Variants in HS6ST2 observed in about 807,000 individuals in gnomAD.
HS6ST2 encodes the protein heparan-sulfate 6-O-sulfotransferase 2.
In HS6ST2, 17 loss-of-function variants were observed where a neutral mutation model predicts 33.0. The ratio of observed to expected loss-of-function variants is 0.52; its 90% confidence interval spans 0.35 to 0.77. The LOEUF (loss-of-function observed/expected upper bound fraction) is 0.77, where lower values mean the gene tolerates loss of function less well. HS6ST2 is among the 30% of genes least tolerant of loss of function. The pLI is 0.01. For missense variants in HS6ST2, 519 were observed against 551.7 expected (o/e 0.94, Z 0.59); for synonymous variants, 248 against 237.1 (o/e 1.05, Z -0.42).
At chrX:132,818,162 C>T (rs1290277164) in intron 2 of HS6ST2, among the ~76,000 whole-genome samples, 1 of 110,289 alleles carries the variant, frequency 9.1e-6, no homozygotes, top group East Asian at 2.9e-4. Flanking sequence ...CACGTGTGCC[C>T]CAACCCCTAG....
At chrX:132,845,533 T>A in intron 2 of HS6ST2, among the ~76,000 whole-genome samples, 1 of 111,480 alleles carries the variant, frequency 9.0e-6, no homozygotes, top group Non-Finnish European at 1.9e-5. Flanking sequence ...ATAAAAGAAT[T>A]CTACTGAAAG....
intron 1 of HS6ST2, 127 bp downstream of exon 1, chrX:132,958,048 G>A: frequency 1.5e-6 from 1 of 666,085 alleles, no homozygotes; most frequent in South Asian, 3.9e-5. Flanking sequence ...GGAGACCCTA[G>A]CCGGGCCACC....
chrX:132,663,715 G>C (rs749163148), intron 4 of HS6ST2, among the ~76,000 whole-genome samples: 29 of 112,084 alleles, frequency 2.6e-4, no homozygotes, highest in Admixed American at 2.0e-3. Flanking sequence ...CCAGTGGATT[G>C]CTATCTTCAT....
intron 2 of HS6ST2, among the ~76,000 whole-genome samples, chrX:132,875,724 C>G (rs749637542): frequency 1.3e-3 from 148 of 112,304 alleles, no homozygotes; most frequent in Middle Eastern, 4.2e-3. Flanking sequence ...TGTAACACCT[C>G]TGTGGAAAAA....
intron 2 of HS6ST2, among the ~76,000 whole-genome samples, chrX:132,859,635 T>G (rs1233135942): frequency 1.5e-4 from 11 of 73,295 alleles, no homozygotes; most frequent in African/African-American, 2.3e-4. Context: ...AAGGAGAGAG[T>G]CAGAGGAAGG....
intron 2 of HS6ST2, among the ~76,000 whole-genome samples, chrX:132,814,952 T>C (rs767238757): frequency 2.9e-3 from 326 of 112,288 alleles, no homozygotes; most frequent in Non-Finnish European, 5.1e-3. Context: ...TGCCACAGCC[T>C]CCTTGAAGCC....
At chrX:132,674,687 C>A (rs1349509490) in intron 3 of HS6ST2, among the ~76,000 whole-genome samples, 1 of 112,337 alleles carries the variant, frequency 8.9e-6, no homozygotes, top group East Asian at 2.8e-4. Context: ...ATTATTTTCT[C>A]ATTTAAGCTG....
chrX:132,802,317 GATA>G (rs1378783107), intron 2 of HS6ST2, among the ~76,000 whole-genome samples: 1 of 111,563 alleles, frequency 9.0e-6, no homozygotes, highest in Admixed American at 9.6e-5. Context: ...GCAGCACAAG[GATA>G]ATAACAGATC....
At chrX:132,905,278 G>A (rs2148464899) in intron 2 of HS6ST2, among the ~76,000 whole-genome samples, 1 of 111,973 alleles carries the variant, frequency 8.9e-6, no homozygotes, top group Non-Finnish European at 1.9e-5. Context: ...TGCTTCAATG[G>A]CTTGTTGAAG....
chrX:132,957,587 C>T (rs1456049210), intron 1 of HS6ST2, among the ~76,000 whole-genome samples: 1 of 110,466 alleles, frequency 9.1e-6, no homozygotes, highest in Admixed American at 9.4e-5. Flanking sequence ...GCCCCCTCCC[C>T]CCGCCAGAGC....
chrX:132,896,382 A>T (rs1774712709), intron 2 of HS6ST2, among the ~76,000 whole-genome samples: 1 of 109,201 alleles, frequency 9.2e-6, no homozygotes, highest in Non-Finnish European at 1.9e-5. Context: ...GAGGTGGGAG[A>T]ATGTCATAAA....
At chrX:132,811,212 G>T (rs2065339106) in intron 2 of HS6ST2, among the ~76,000 whole-genome samples, 1 of 111,276 alleles carries the variant, frequency 9.0e-6, no homozygotes, top group Admixed American at 9.6e-5. Context: ...CTGCTAAGAG[G>T]TAGCTCTTAC....
intron 2 of HS6ST2, among the ~76,000 whole-genome samples, chrX:132,892,885 C>G (rs1401273109): frequency 1.8e-5 from 2 of 111,951 alleles, no homozygotes; most frequent in African/African-American, 6.5e-5. Flanking sequence ...CTACACATCC[C>G]CCATATGCTT....
In HS6ST2 at chrX:132,958,613, AG is replaced by A. The variant is rs1397532429; in HGVS notation, c.-12del. 1 of 1,154,449 alleles carries A rather than the reference AG, an allele frequency of 8.7e-7. No homozygotes were observed. Among genetic ancestry groups the A allele is most frequent in the Non-Finnish European group, 1.2e-6 (1 of 864,766 alleles). Reference sequence around the variant, plus strand: ...CGCAGGCAGTGCCATTCCCCCCTTCAGGCAACTCAGGGTACTAAGGATCACG... The same window carrying A: ...CGCAGGCAGTGCCATTCCCCCCTTCAGCAACTCAGGGTACTAAGGATCACG... On this transcript the variant is annotated 5_prime_UTR_variant, in exon 1 of 5. Transcript: ENST00000370833.
intron 4 of HS6ST2, among the ~76,000 whole-genome samples, chrX:132,659,494 T>G (rs1162892043): frequency 9.0e-6 from 1 of 111,589 alleles, no homozygotes; most frequent in Non-Finnish European, 1.9e-5. Context: ...GCCCTTATTC[T>G]CAAGTTGAAA....
intron 2 of HS6ST2, among the ~76,000 whole-genome samples, chrX:132,937,302 T>C (rs765966428): frequency 8.9e-6 from 1 of 111,903 alleles, no homozygotes; most frequent in South Asian, 3.7e-4. Flanking sequence ...GCAATCCCTG[T>C]CAAAATACCA....
intron 2 of HS6ST2, among the ~76,000 whole-genome samples, chrX:132,929,417 T>A (rs565256918): frequency 1.8e-5 from 2 of 110,511 alleles, no homozygotes; most frequent in Middle Eastern, 4.6e-3. Flanking sequence ...TTGAGGCCAG[T>A]AATTTGAGGC....
chrX:132,825,408 A>G (rs1005173170), intron 2 of HS6ST2, among the ~76,000 whole-genome samples: 1 of 111,654 alleles, frequency 9.0e-6, no homozygotes, highest in African/African-American at 3.3e-5. Flanking sequence ...TCTCTGTCCT[A>G]TGTTGAGGTG....
At position 132,957,103 on chromosome X, in the gene HS6ST2, T is replaced by C; in HGVS notation, c.652A>G (p.Lys218Glu). 1 of 1,211,471 alleles carries C rather than the reference T, an allele frequency of 8.3e-7. No individual in the cohort carries two copies. Among genetic ancestry groups the C allele is most frequent in the Non-Finnish European group, 1.1e-6 (1 of 895,388 alleles). The change falls in exon 2 of 5, where the codon AAG (lysine) becomes GAG (glutamate). Residue 218 changes from lysine to glutamate, a missense_variant. By Grantham distance (56) the Lys-to-Glu change is moderately conservative. Transcript: ENST00000370833. Reference sequence around the variant, plus strand: ...TCGCCCTTGATGTCGAAGTCTACCTTGCGCAGGAGGTCGCCGCGGGTGAAA... The same window carrying C: ...TCGCCCTTGATGTCGAAGTCTACCTCGCGCAGGAGGTCGCCGCGGGTGAAA... ...YNFTRGDLLR[K>E]VDFDIKGDDL...
Sources: gnomAD v4.1 joint callset for allele counts (sites outside exome capture counted in the v4.1 genomes callset) on GRCh38, gnomAD v4.1.1 for gene constraint, MANE v1.5 for transcripts, NCBI Gene and HGNC (gene_info 2026-07-23, HGNC 2026-07-21) for gene names.